HMGA2: variants seen among roughly 807,000 people sequenced by gnomAD.
The protein encoded by HMGA2 is high mobility group protein HMGI-C.
A neutral mutation model predicts 19.1 loss-of-function variants in HMGA2; 8 were observed. That is an observed-to-expected ratio of 0.42 (90% CI 0.25 to 0.76). The LOEUF is 0.76. Among genes scored for constraint, HMGA2 ranks in the 30% least tolerant of loss-of-function variants. HMGA2 has a pLI of 0.28. For missense variants in HMGA2, 109 were observed against 136.3 expected (o/e 0.80, Z 1.00); for synonymous variants, 60 against 48.8 (o/e 1.23, Z -0.96).
intron 3 of HMGA2, among the ~76,000 whole-genome samples, chr12:65,849,253 A>G (rs1230137582): frequency 1.3e-5 from 2 of 152,126 alleles, no homozygotes; most frequent in Admixed American, 6.5e-5. Context: ...TAAATTCTCT[A>G]GTGGAAACTT....
At chr12:65,830,431 T>C (rs1022955359) in intron 2 of HMGA2, among the ~76,000 whole-genome samples, 2 of 151,978 alleles carry the variant, frequency 1.3e-5, no homozygotes, top group African/African-American at 4.8e-5. Context: ...CCTGTGAGAC[T>C]GACCAGAATA....
chr12:65,832,976 G>A (rs1176425336), intron 2 of HMGA2, among the ~76,000 whole-genome samples: 1 of 151,922 alleles, frequency 6.6e-6, no homozygotes, highest in Non-Finnish European at 1.5e-5. Flanking sequence ...ATTTGGCTTT[G>A]GTTTTAATTT....
At position 65,944,781 on chromosome 12, in the gene HMGA2, G is replaced by A. The variant is rs533689123; in HGVS notation, c.250-6602G>A. ...CTCAACCTGATAGTATGAGTCACAC[G>A]GGGTGAATGCTATGAAGACGCTCTG... On this transcript the variant is annotated intron_variant, in intron 3 of 4. Transcript: ENST00000403681. Among the ~76,000 whole-genome samples the A allele has an allele frequency of 1.1e-4, 17 of 152,244 alleles. No homozygotes were observed. The East Asian group carries it at 2.9e-3, about 26-fold the overall frequency.
chr12:65,885,339 A>G (rs1438508915), intron 3 of HMGA2, among the ~76,000 whole-genome samples: 1 of 152,140 alleles, frequency 6.6e-6, no homozygotes, highest in Non-Finnish European at 1.5e-5. Flanking sequence ...CACGAGATAC[A>G]TATTTCTCAG....
At position 65,964,101 on chromosome 12, in the gene HMGA2, G is replaced by A. The variant is rs1876834479; in HGVS notation, c.*809G>A. On this transcript the variant is annotated 3_prime_UTR_variant, in exon 5 of 5. Coordinates refer to ENST00000403681, the MANE Select transcript of HMGA2 (RefSeq NM_003483.6). The stretch of plus-strand genomic sequence containing the variant: ...AATCTACTTCCTACAGAGCCAAAAT[G>A]CCATTTAGCAATAAATAACACTTGT... The A allele has an allele frequency of 4.9e-6, 1 of 204,078 alleles. No homozygotes were observed. Among genetic ancestry groups the A allele is most frequent in the Non-Finnish European group, 1.0e-5 (1 of 99,798 alleles). 12.6% of individuals were successfully genotyped at this position (204,078 alleles called of 1,614,324 possible).
At chr12:65,920,138 G>C (rs1466868690) in intron 3 of HMGA2, among the ~76,000 whole-genome samples, 1 of 152,084 alleles carries the variant, frequency 6.6e-6, no homozygotes, top group East Asian at 1.9e-4. Flanking sequence ...TTTTAGTGGT[G>C]GGGGAGTTCT....
At chr12:65,907,735 T>C (rs1874662406) in intron 3 of HMGA2, among the ~76,000 whole-genome samples, 1 of 152,140 alleles carries the variant, frequency 6.6e-6, no homozygotes, top group Non-Finnish European at 1.5e-5. Flanking sequence ...ATTTTTCAAG[T>C]AAGGATGTTT....
chr12:65,934,099 G>C (rs1270557547), intron 3 of HMGA2, among the ~76,000 whole-genome samples: 1 of 152,120 alleles, frequency 6.6e-6, no homozygotes, highest in Non-Finnish European at 1.5e-5. Context: ...AAAGAATAGG[G>C]AATTCTCACA....
At chr12:65,963,063 A>G (rs1876798038) in intron 4 of HMGA2, among the ~76,000 whole-genome samples, 182 bp from the exon 5 acceptor site, 1 of 152,134 alleles carries the variant, frequency 6.6e-6, no homozygotes, top group South Asian at 2.1e-4. Flanking sequence ...GGAAAAAACA[A>G]CACCTTGATT....
intron 3 of HMGA2, chr12:65,881,733 T>A: frequency 2.8e-6 from 2 of 702,912 alleles, no homozygotes; most frequent in Non-Finnish European, 5.2e-6. Flanking sequence ...CCGCACACAT[T>A]CCCTCCCAGT....
At position 65,825,282 on chromosome 12, in the gene HMGA2, CGGTGAGGGCGCGG is replaced by C. The variant is rs1216629726; in HGVS notation, c.15_27del (p.Glu6SerfsTer156). 1 of 1,530,826 alleles carries C rather than the reference CGGTGAGGGCGCGG, an allele frequency of 6.5e-7. No individual in the cohort carries two copies. Among genetic ancestry groups the C allele is most frequent in the Non-Finnish European group, 8.7e-7 (1 of 1,143,288 alleles). 94.8% of individuals were successfully genotyped at this position (1,530,826 alleles called of 1,614,324 possible). On this transcript the variant is annotated frameshift_variant, in exon 1 of 5. Coordinates refer to ENST00000403681, the MANE Select transcript of HMGA2 (RefSeq NM_003483.6). LOFTEE classifies it high-confidence loss of function. The surrounding 1 kb of genome is among the most constrained non-coding windows in gnomAD (Gnocchi z 4.4). ...CGGCGGGAGGCAGGATGAGCGCACG[CGGTGAGGGCGCGG>C]GGCAGCCGTCCACTTCAGCCCAGGG...
At chr12:65,925,318 A>G (rs563564347) in intron 3 of HMGA2, among the ~76,000 whole-genome samples, 1 of 152,334 alleles carries the variant, frequency 6.6e-6, no homozygotes, top group South Asian at 2.1e-4. Context: ...GACAATTTCT[A>G]ATAAGCATTT....
At chr12:65,901,909 T>C (rs1874388236) in intron 3 of HMGA2, among the ~76,000 whole-genome samples, 1 of 152,170 alleles carries the variant, frequency 6.6e-6, no homozygotes. Context: ...AAACACGATC[T>C]CCACCAACTT....
At chr12:65,834,350 G>A (rs1289299963) in intron 2 of HMGA2, among the ~76,000 whole-genome samples, 2 of 152,090 alleles carry the variant, frequency 1.3e-5, no homozygotes, top group Non-Finnish European at 2.9e-5. Flanking sequence ...ATAATATCAT[G>A]GGGCTATGTC....
rs550902758 is a variant in HMGA2, at chr12:65,924,641, C to A, written c.250-26742C>A. 1.3e-4 allele frequency among the ~76,000 whole-genome samples: 20 copies of A among 152,120 alleles called. 1 individual carries two copies. The South Asian group carries it at 4.0e-3, about 30-fold the overall frequency. ...GGTGAAAACCCATCTCTACTAAAAA[C>A]GCAAAAATTAGCTGGGCGTTGTGGG... On this transcript the variant is annotated intron_variant, in intron 3 of 4. Coordinates refer to ENST00000403681, the MANE Select transcript of HMGA2 (RefSeq NM_003483.6).
At chr12:65,846,524 A>G (rs946791782) in intron 3 of HMGA2, among the ~76,000 whole-genome samples, 3 of 152,266 alleles carry the variant, frequency 2.0e-5, no homozygotes, top group Non-Finnish European at 4.4e-5. Context: ...ATTTCAGTGC[A>G]TTAACTCAGA....
chr12:65,865,690 A>G (rs557152523), intron 3 of HMGA2, among the ~76,000 whole-genome samples: 103 of 141,120 alleles, frequency 7.3e-4, no homozygotes, highest in Non-Finnish European at 1.2e-3. Context: ...GCTGGAGTGC[A>G]GTGGCTCAAT....
intron 3 of HMGA2, chr12:65,859,121 A>T (rs1346048980): frequency 6.6e-6 from 1 of 152,234 alleles, no homozygotes; most frequent in Non-Finnish European, 1.5e-5. Flanking sequence ...GCACTGGAAG[A>T]AATAGGAATC....
intron 3 of HMGA2, among the ~76,000 whole-genome samples, chr12:65,947,427 T>C (rs1488653396): frequency 6.6e-6 from 1 of 152,196 alleles, no homozygotes; most frequent in African/African-American, 2.4e-5. Flanking sequence ...CATCTGTTAA[T>C]CCAAAAAATT....
Sources: allele counts gnomAD v4.1 joint callset (sites outside exome capture counted in the v4.1 genomes callset), GRCh38; gene constraint gnomAD v4.1.1; non-coding constraint Gnocchi (gnomAD v3.1); transcripts MANE v1.5; gene names NCBI Gene and HGNC (gene_info 2026-07-23, HGNC 2026-07-21).